Variants in ANXA11 observed in about 807,000 individuals in gnomAD.
ANXA11 encodes the protein 56 kDa autoantigen.
In ANXA11, 57 loss-of-function variants were observed where a neutral mutation model predicts 64.7. The observed-to-expected ratio is 0.88, with a 90% CI of 0.71 to 1.10. ANXA11 has a LOEUF of 1.10. ANXA11 is among the 50% of genes least tolerant of loss of function. The pLI, the probability that ANXA11 is intolerant of heterozygous loss-of-function variation, is 0.00. For synonymous variants in ANXA11, 260 were observed against 265.2 expected (o/e 0.98, Z 0.19); for missense variants, 675 against 670.7 (o/e 1.01, Z -0.07).
At chr10:80,174,785 G>C (rs1158693355) in intron 2 of ANXA11, among the ~76,000 whole-genome samples, 1 of 152,176 alleles carries the variant, frequency 6.6e-6, no homozygotes, top group Non-Finnish European at 1.5e-5. Context: ...CTGAACTCCT[G>C]GCCTCAAGTG....
chr10:80,187,522 G>A (rs769700391), intron 1 of ANXA11, among the ~76,000 whole-genome samples: 1 of 151,942 alleles, frequency 6.6e-6, no homozygotes, highest in Non-Finnish European at 1.5e-5. Context: ...GGAACCTAAG[G>A]ATGCACGCGC....
chr10:80,193,828 AG>A (rs1846877449), intron 1 of ANXA11, among the ~76,000 whole-genome samples: 2 of 149,978 alleles, frequency 1.3e-5, no homozygotes, highest in Admixed American at 6.7e-5. Flanking sequence ...AAAAAAAAAA[AG>A]ACAGAATATT....
intron 3 of ANXA11, chr10:80,171,954 C>T: frequency 1.0e-6 from 1 of 979,068 alleles, no homozygotes; most frequent in Middle Eastern, 5.3e-4. Flanking sequence ...AGCTGAGCCA[C>T]CTCTAGGTCT....
chr10:80,171,705 T>TG lies in ANXA11; in HGVS notation c.56-791_56-790insC, dbSNP rs1243580264. 9 of 985,398 alleles carry TG rather than the reference T, an allele frequency of 9.1e-6. No homozygotes were observed. In the Admixed American group the frequency reaches 4.3e-4, roughly 47 times the overall value. 61.0% of individuals were successfully genotyped at this position (985,398 alleles called of 1,614,324 possible). ...CTTTCCTCTACATGGCAGCTTCGGA[T>TG]CGGCTCTTCATCTCCAGGGCTCCAG... is the stretch of plus-strand genomic sequence containing the variant. On this transcript the variant is annotated intron_variant, in intron 3 of 15. Transcript: ENST00000422982.
At chr10:80,171,575 G>T in intron 3 of ANXA11, 1 of 950,954 alleles carries the variant, frequency 1.1e-6, no homozygotes, top group Non-Finnish European at 1.3e-6. Context: ...AATGGTGAGT[G>T]TATGCCTAGA....
At chr10:80,181,539 C>T (rs1846355693) in intron 1 of ANXA11, 1 of 151,910 alleles carries the variant, frequency 6.6e-6, no homozygotes, top group African/African-American at 2.4e-5. Context: ...AAAATAAATG[C>T]AAAAGACATA....
In ANXA11 at chr10:80,166,405, C is replaced by T. The variant is rs563025185; in HGVS notation, c.745-208G>A. On this transcript the variant is annotated intron_variant, in intron 7 of 15. Transcript: ENST00000422982. The stretch of plus-strand genomic sequence containing the variant: ...CATTTTACCAAGATGCCCAGGGGAT[C>T]GGTGACACAATGAAGTTTGAGAAGC... 1.8e-4 allele frequency: 98 copies of T among 537,886 alleles called. 2 individuals carry two copies. In the South Asian group the frequency reaches 2.0e-3, roughly 11 times the overall value. 33.3% of individuals were successfully genotyped at this position (537,886 alleles called of 1,614,324 possible).
At chr10:80,166,709 C>G (rs900831796) in intron 7 of ANXA11, 181 bp downstream of exon 7, 12 of 606,000 alleles carry the variant, frequency 2.0e-5, no homozygotes, top group African/African-American at 1.1e-4. Context: ...AACCTCAGCA[C>G]CCGGTGGCAT....
chr10:80,179,766 G>A (rs1047608583), intron 1 of ANXA11, among the ~76,000 whole-genome samples: 1 of 152,170 alleles, frequency 6.6e-6, no homozygotes, highest in Non-Finnish European at 1.5e-5. Context: ...TAGGAAGGAG[G>A]ATGCTAAATT....
At chr10:80,184,551 A>G (rs1846469055) in intron 1 of ANXA11, among the ~76,000 whole-genome samples, 1 of 152,118 alleles carries the variant, frequency 6.6e-6, no homozygotes, top group South Asian at 2.1e-4. Context: ...AGAGAGACAG[A>G]GAGTGTGTTT....
In ANXA11 at chr10:80,167,245, C is replaced by T. The variant is rs771660812; in HGVS notation, c.630G>A (p.Arg210=). The T allele has an allele frequency of 3.7e-6, 6 of 1,614,158 alleles. No individual in the cohort carries two copies. The highest frequency in any genetic ancestry group is 3.3e-4 in the Middle Eastern group (2 of 6,054). Residue 210 remains arginine (R), a synonymous_variant, in exon 6 of 16, where the codon CGG becomes CGA. Coordinates refer to ENST00000422982, the MANE Select transcript of ANXA11 (RefSeq NM_145868.2). ...FDPLRDAEVL[R]KAMKGFGTDE... ...TCTTACCGAAGCCTTTCATGGCCTTCCGCAGGACCTCGGCATCTCGCAGGG... is the reference window on the plus strand; with the variant it reads ...TCTTACCGAAGCCTTTCATGGCCTTTCGCAGGACCTCGGCATCTCGCAGGG...
chr10:80,166,351 C>T (rs532577906), intron 7 of ANXA11, 154 bp from the exon 8 acceptor site: 15 of 583,104 alleles, frequency 2.6e-5, no homozygotes, highest in African/African-American at 2.4e-4. Context: ...GCTCTCAGCC[C>T]TGCCCCAAAC....
chr10:80,177,728 A>C (rs983956378), intron 1 of ANXA11, among the ~76,000 whole-genome samples: 2 of 152,174 alleles, frequency 1.3e-5, no homozygotes, highest in African/African-American at 4.8e-5. Context: ...CACCCAGTAC[A>C]CATTTCTCCA....
chr10:80,200,667 C>A (rs998634827), intron 1 of ANXA11, among the ~76,000 whole-genome samples: 1 of 152,204 alleles, frequency 6.6e-6, no homozygotes. Flanking sequence ...CAGCGTCCCG[C>A]AGAGGACCTA....
At chr10:80,193,946 G>A (rs1846882271) in intron 1 of ANXA11, among the ~76,000 whole-genome samples, 1 of 151,020 alleles carries the variant, frequency 6.6e-6, no homozygotes, top group African/African-American at 2.4e-5. Context: ...AGCCTCCCAA[G>A]TAGCTGGGAT....
At chr10:80,200,228 C>A (rs751844085) in intron 1 of ANXA11, among the ~76,000 whole-genome samples, 4 of 152,186 alleles carry the variant, frequency 2.6e-5, no homozygotes, top group Non-Finnish European at 4.4e-5. Flanking sequence ...TTACTAACCG[C>A]TCCATGTGAG....
At chr10:80,160,808 C>T (rs78061742) in intron 12 of ANXA11, among the ~76,000 whole-genome samples, 3,839 of 152,224 alleles carry the variant, frequency 0.025, 216 homozygotes, top group South Asian at 0.19. Context: ...CTCCACCCTA[C>T]AGGCACCTAA....
At chr10:80,186,495 C>T (rs12255634) in intron 1 of ANXA11, among the ~76,000 whole-genome samples, 1 of 152,146 alleles carries the variant, frequency 6.6e-6, no homozygotes, top group African/African-American at 2.4e-5. Context: ...TGCTCCACTC[C>T]AAGAGTAGAG....
intron 12 of ANXA11, among the ~76,000 whole-genome samples, chr10:80,161,510 CCACCGTGGCCCCA>C (rs1313864811): frequency 6.6e-6 from 1 of 152,250 alleles, no homozygotes; most frequent in East Asian, 1.9e-4. Context: ...GCCCTGCCCC[CCACCGTGGCCCCA>C]CACCTGCTCC....
Sources: allele counts gnomAD v4.1 joint callset (sites outside exome capture counted in the v4.1 genomes callset), GRCh38; gene constraint gnomAD v4.1.1; transcripts MANE v1.5; gene names NCBI Gene and HGNC (gene_info 2026-07-23, HGNC 2026-07-21).